FNBP1L: variants seen among roughly 807,000 people sequenced by gnomAD.
The protein encoded by FNBP1L is formin binding protein 1 like, also known as formin-binding protein 1-like.
Under a neutral mutation model 91.2 loss-of-function variants are expected in FNBP1L, and 36 were observed. The observed-to-expected ratio is 0.39, with a 90% CI of 0.30 to 0.52. The LOEUF (loss-of-function observed/expected upper bound fraction) is 0.52, where lower values mean the gene tolerates loss of function less well. FNBP1L is among the 20% of genes least tolerant of loss of function. The probability of loss-of-function intolerance (pLI) is 0.66; values close to 1 mark genes in which losing one functional copy is unlikely to be tolerated. For synonymous variants in FNBP1L, 242 were observed against 237.0 expected (o/e 1.02, Z -0.19); for missense variants, 571 against 732.1 (o/e 0.78, Z 2.54).
chr1:93,496,196 TATTA>T (rs1670252757), intron 1 of FNBP1L, among the ~76,000 whole-genome samples: 1 of 152,004 alleles, frequency 6.6e-6, no homozygotes, highest in African/African-American at 2.4e-5. Context: ...CCTATTTAAA[TATTA>T]ATTTTTTCCT....
At chr1:93,550,850 A>G in intron 15 of FNBP1L, 97 bp from the exon 16 acceptor site, 4 of 1,213,394 alleles carry the variant, frequency 3.3e-6, no homozygotes, top group Admixed American at 3.0e-5. Context: ...GTACATTGAA[A>G]TCTAGTAGGG....
At chr1:93,518,698 GA>G (rs1671216072) in intron 2 of FNBP1L, among the ~76,000 whole-genome samples, 1 of 152,210 alleles carries the variant, frequency 6.6e-6, no homozygotes, top group Non-Finnish European at 1.5e-5. Flanking sequence ...TCCTCCTATA[GA>G]AGCTTTATTG....
intron 1 of FNBP1L, 131 bp downstream of exon 1, chr1:93,448,436 GTCCCGC>G (rs1668345490): frequency 1.0e-6 from 1 of 1,002,976 alleles, no homozygotes; most frequent in Non-Finnish European, 1.4e-6. Flanking sequence ...GAGGGTGAGG[GTCCCGC>G]TCGTCTTTGT....
intron 7 of FNBP1L, among the ~76,000 whole-genome samples, chr1:93,531,853 T>G (rs1412175486): frequency 6.6e-6 from 1 of 151,998 alleles, no homozygotes; most frequent in East Asian, 1.9e-4. Context: ...TGTGGGAGTT[T>G]GGGGAGACAA....
chr1:93,527,131 G>A (rs571333778), intron 5 of FNBP1L, among the ~76,000 whole-genome samples: 49 of 152,208 alleles, frequency 3.2e-4, no homozygotes, highest in Non-Finnish European at 6.5e-4. Flanking sequence ...ATCCTGGAGC[G>A]CATTTATTTG....
chr1:93,509,231 A>C (rs1483487848), intron 2 of FNBP1L, among the ~76,000 whole-genome samples: 2 of 152,220 alleles, frequency 1.3e-5, no homozygotes, highest in Non-Finnish European at 2.9e-5. Flanking sequence ...ATGCAAAGTC[A>C]GCTACAAGTT....
rs889641041 is a variant in FNBP1L, at chr1:93,522,195, A to G, written c.194+60A>G. On this transcript the variant is annotated intron_variant, in intron 3 of 16. Coordinates refer to ENST00000271234, the MANE Select transcript of FNBP1L (RefSeq NM_001164473.3). ...AAAATTTAAAAATACTTATATTTTT[A>G]TTATTTAGTAAGATATATTCTTAGC... 9 of 785,834 alleles carry G rather than the reference A, an allele frequency of 1.1e-5. No individual in the cohort carries two copies. In the African/African-American group the frequency reaches 1.6e-4, roughly 14 times the overall value. The allele number at this position is 785,834 out of a possible 1,614,324, so 48.7% of individuals were successfully genotyped here.
At chr1:93,527,727 G>A (rs944318677) in intron 5 of FNBP1L, among the ~76,000 whole-genome samples, 1 of 151,984 alleles carries the variant, frequency 6.6e-6, no homozygotes, top group Admixed American at 6.6e-5. Flanking sequence ...TTAAATAAGA[G>A]CAGATATCCA....
At chr1:93,460,059 A>G (rs1238302430) in intron 1 of FNBP1L, among the ~76,000 whole-genome samples, 5 of 151,934 alleles carry the variant, frequency 3.3e-5, no homozygotes, top group Admixed American at 2.6e-4. Context: ...AACTGCTCCA[A>G]TGAGCATTTC....
chr1:93,460,572 T>C (rs1245268343), intron 1 of FNBP1L, among the ~76,000 whole-genome samples: 1 of 152,230 alleles, frequency 6.6e-6, no homozygotes, highest in East Asian at 1.9e-4. Flanking sequence ...GGCACATGTT[T>C]TCAGGATCTC....
intron 2 of FNBP1L, among the ~76,000 whole-genome samples, chr1:93,502,494 G>C (rs921380760): frequency 6.6e-6 from 1 of 152,122 alleles, no homozygotes; most frequent in Non-Finnish European, 1.5e-5. Context: ...TTTTGCTAGT[G>C]TAACAGGACT....
At chr1:93,494,441 A>C (rs1427159407) in intron 1 of FNBP1L, among the ~76,000 whole-genome samples, 1 of 152,160 alleles carries the variant, frequency 6.6e-6, no homozygotes, top group African/African-American at 2.4e-5. Context: ...TTGTTGATTA[A>C]ATTCAGTCTC....
At chr1:93,473,642 T>TCTTAACTTGAG (rs1669385574) in intron 1 of FNBP1L, among the ~76,000 whole-genome samples, 2 of 152,334 alleles carry the variant, frequency 1.3e-5, no homozygotes, top group South Asian at 4.1e-4. Flanking sequence ...GGATAGGATG[T>TCTTAACTTGAG]CTTAACTTGA....
At chr1:93,547,264 T>G in intron 13 of FNBP1L, 83 bp from the exon 14 acceptor site, 2 of 1,174,114 alleles carry the variant, frequency 1.7e-6, no homozygotes, top group Non-Finnish European at 2.4e-6. Flanking sequence ...TATAAAAACT[T>G]AAACACATTT....
rs377045154 is a variant in FNBP1L at position 93,547,459 on chromosome 1, A to G, written c.1502+18A>G. 1 of 1,538,946 alleles carries G rather than the reference A, an allele frequency of 6.5e-7. No individual in the cohort carries two copies. The highest frequency in any genetic ancestry group is 2.0e-5 in the Admixed American group (1 of 50,790). ...CGAGAAAGGTGATTTTTTGTATTTT[A>G]TTTGTATTTCTTCTCCCCAGAGTTT... On this transcript the variant is annotated intron_variant, in intron 14 of 16. Coordinates refer to ENST00000271234, the MANE Select transcript of FNBP1L (RefSeq NM_001164473.3).
intron 1 of FNBP1L, among the ~76,000 whole-genome samples, chr1:93,464,998 C>T (rs1376676034): frequency 1.3e-5 from 2 of 152,034 alleles, no homozygotes; most frequent in Non-Finnish European, 2.9e-5. Context: ...AAGATTTAGG[C>T]TACATAGCTA....
rs182594317 is a variant in FNBP1L at position 93,513,731 on chromosome 1, A to G, written c.141-8351A>G. ...ACAAAATTCAAGAACCCTTCATGCTAAAAACTCTCAATAAATTAGATATTG... is the reference window on the plus strand; with the variant it reads ...ACAAAATTCAAGAACCCTTCATGCTGAAAACTCTCAATAAATTAGATATTG... On this transcript the variant is annotated intron_variant, in intron 2 of 16. Coordinates refer to ENST00000271234, the MANE Select transcript of FNBP1L (RefSeq NM_001164473.3). Among the ~76,000 whole-genome samples, 68 of 152,380 alleles carry G rather than the reference A, an allele frequency of 4.5e-4. 1 individual carries two copies. In the East Asian group the frequency reaches 6.7e-3, roughly 15 times the overall value.
chr1:93,456,602 C>CAAAAAAAAAAAA (rs60167572), intron 1 of FNBP1L, among the ~76,000 whole-genome samples: 1 of 53,370 alleles, frequency 1.9e-5, no homozygotes, highest in Non-Finnish European at 4.3e-5. Context: ...CCTTCTCTAC[C>CAAAAAAAAAAAA]AAAAAAAAAA....
intron 1 of FNBP1L, among the ~76,000 whole-genome samples, chr1:93,497,853 C>T (rs1052160191): frequency 6.6e-6 from 1 of 152,008 alleles, no homozygotes; most frequent in African/African-American, 2.4e-5. Context: ...CTCCTGACTT[C>T]AAGTGATCCA....
Sources: allele counts gnomAD v4.1 joint callset (sites outside exome capture counted in the v4.1 genomes callset), GRCh38; gene constraint gnomAD v4.1.1; transcripts MANE v1.5; gene names NCBI Gene and HGNC (gene_info 2026-07-23, HGNC 2026-07-21).